The following UGT1A6 variants were observed in gnomAD, a reference collection of about 807,000 sequenced individuals.
The protein encoded by UGT1A6 is UDP-glucuronosyltransferase 1A6.
UGT1A6 carries 32 observed loss-of-function variants against 44.4 expected under a neutral mutation model. That is an observed-to-expected ratio of 0.72 (90% confidence interval 0.54 to 0.97). The LOEUF (loss-of-function observed/expected upper bound fraction) is 0.97, where lower values mean the gene tolerates loss of function less well. Among genes scored for constraint, UGT1A6 ranks in the 50% least tolerant of loss-of-function variants. The pLI, the probability that UGT1A6 is intolerant of heterozygous loss-of-function variation, is 0.00. For synonymous variants in UGT1A6, 238 were observed against 248.5 expected (o/e 0.96, Z 0.40); for missense variants, 685 against 661.9 (o/e 1.03, Z -0.38).
chr2:233,693,835 C>G lies in UGT1A6; in HGVS notation c.831C>G (p.Ile277Met), dbSNP rs764583792. ...CCAACATGGTCTTCATTGGAGGTAT[C>G]AACTGTAAGAAGAGGAAAGACTTGT... is the stretch of plus-strand genomic sequence containing the variant. ...VMPNMVFIGG[I>M]NCKKRKDLSQ... is the part of the protein sequence containing the mutation. The change falls in exon 1 of 5, where the codon ATC becomes ATG. Residue 277 changes from isoleucine to methionine, a missense_variant. Ile to Met is a conservative substitution (Grantham distance 10). Transcript: ENST00000305139. 8 of 1,614,056 alleles carry G rather than the reference C, an allele frequency of 5.0e-6. No homozygotes were observed. The East Asian group carries it at 1.6e-4, about 31-fold the overall frequency.
intron 1 of UGT1A6, chr2:233,721,745 AATCTAC>A: frequency 2.3e-6 from 1 of 440,284 alleles, no homozygotes; most frequent in Non-Finnish European, 4.5e-6. Flanking sequence ...ATGATGAGAG[AATCTAC>A]ATCTAAATTG....
chr2:233,750,746 T>G (rs1207151817), intron 1 of UGT1A6: 2 of 151,906 alleles, frequency 1.3e-5, no homozygotes, highest in Admixed American at 1.3e-4. Context: ...ACCTCAAGCC[T>G]TGGCAGCATC....
At chr2:233,766,771 C>A (rs71528513) in intron 1 of UGT1A6, among the ~76,000 whole-genome samples, 1 of 152,170 alleles carries the variant, frequency 6.6e-6, no homozygotes, top group Admixed American at 6.5e-5. Flanking sequence ...TGTACCTGTG[C>A]TTTTCTTTTG....
chr2:233,709,425 C>G (rs1055346708), intron 1 of UGT1A6, among the ~76,000 whole-genome samples: 2 of 152,122 alleles, frequency 1.3e-5, no homozygotes, highest in Admixed American at 6.5e-5. Flanking sequence ...AGAATGTCCT[C>G]CAGAAAGGAT....
chr2:233,756,018 C>T (rs900872393), intron 1 of UGT1A6: 6 of 152,198 alleles, frequency 3.9e-5, no homozygotes, highest in African/African-American at 1.4e-4. Context: ...TGTGATATTA[C>T]ACATCCCCCA....
intron 1 of UGT1A6, chr2:233,719,325 G>A (rs771082212): frequency 1.1e-5 from 18 of 1,613,804 alleles, no homozygotes; most frequent in African/African-American, 2.7e-5. Flanking sequence ...GTCGATTCCT[G>A]CTGTGTTTTT....
At chr2:233,751,564 T>G (rs1694753266) in intron 1 of UGT1A6, among the ~76,000 whole-genome samples, 2 of 152,188 alleles carry the variant, frequency 1.3e-5, no homozygotes, top group Non-Finnish European at 2.9e-5. Context: ...CATCTCAAAT[T>G]GTAATCTCCA....
intron 1 of UGT1A6, among the ~76,000 whole-genome samples, chr2:233,766,262 CCCGGG>C (rs2126023646): frequency 2.9e-5 from 2 of 68,082 alleles, no homozygotes; most frequent in East Asian, 5.0e-4. Flanking sequence ...CGCTCAGTGG[CCCGGG>C]CTCGGTGGCC....
At chr2:233,743,597 T>A in intron 1 of UGT1A6, 1 of 1,367,346 alleles carries the variant, frequency 7.3e-7, no homozygotes. Flanking sequence ...GAATGGGTCC[T>A]GGCCGCCGAA....
At chr2:233,718,488 C>G (rs1328491116) in intron 1 of UGT1A6, among the ~76,000 whole-genome samples, 1 of 152,166 alleles carries the variant, frequency 6.6e-6, no homozygotes, top group Non-Finnish European at 1.5e-5. Flanking sequence ...ATATGGTTAA[C>G]AGAGTAGAAG....
chr2:233,729,493 G>A, intron 1 of UGT1A6: 5 of 1,614,180 alleles, frequency 3.1e-6, no homozygotes, highest in Non-Finnish European at 4.2e-6. Context: ...TATGTCTTTG[G>A]TCTATCATAG....
intron 1 of UGT1A6, chr2:233,748,051 A>C: frequency 6.2e-7 from 1 of 1,613,438 alleles, no homozygotes. Context: ...GGGGGCATCA[A>C]CTGTGCCAAC....
At chr2:233,709,342 AC>A (rs2076072449) in intron 1 of UGT1A6, among the ~76,000 whole-genome samples, 1 of 152,100 alleles carries the variant, frequency 6.6e-6, no homozygotes, top group African/African-American at 2.4e-5. Context: ...TGTCATATAA[AC>A]CTATTACTAT....
intron 1 of UGT1A6, among the ~76,000 whole-genome samples, chr2:233,764,487 A>G (rs115581914): frequency 4.6e-5 from 7 of 152,316 alleles, no homozygotes; most frequent in African/African-American, 1.4e-4. Context: ...TCGAATGTTT[A>G]TGGACCTGTG....
At chr2:233,709,846 T>C (rs1229123892) in intron 1 of UGT1A6, among the ~76,000 whole-genome samples, 1 of 152,204 alleles carries the variant, frequency 6.6e-6, no homozygotes, top group Non-Finnish European at 1.5e-5. Flanking sequence ...CATCACCACA[T>C]TCAAGACACG....
chr2:233,771,112 C>T (rs1345932660), intron 4 of UGT1A6: 1 of 152,184 alleles, frequency 6.6e-6, no homozygotes. Flanking sequence ...CACTAAAGCA[C>T]AAGGGATCCG....
At chr2:233,696,369 A>G (rs1457568819) in intron 1 of UGT1A6, among the ~76,000 whole-genome samples, 2 of 152,112 alleles carry the variant, frequency 1.3e-5, no homozygotes, top group Admixed American at 6.5e-5. Flanking sequence ...ATTTATTCCT[A>G]GGTATTATAT....
intron 1 of UGT1A6, among the ~76,000 whole-genome samples, chr2:233,728,564 A>G (rs2077727018): frequency 6.6e-6 from 1 of 152,200 alleles, no homozygotes; most frequent in Non-Finnish European, 1.5e-5. Context: ...TACAAGAAAT[A>G]TCCTGGTGCG....
intron 1 of UGT1A6, chr2:233,712,866 G>T (rs1236935374): frequency 6.4e-7 from 1 of 1,573,916 alleles, no homozygotes; most frequent in Non-Finnish European, 8.6e-7. Context: ...CTGGAGGAGG[G>T]CACTCTGTCT....
Sources: allele counts gnomAD v4.1 joint callset (sites outside exome capture counted in the v4.1 genomes callset), GRCh38; gene constraint gnomAD v4.1.1; transcripts MANE v1.5; gene names NCBI Gene and HGNC (gene_info 2026-07-23, HGNC 2026-07-21).